The following NCOA7 variants were observed in gnomAD, a reference collection of about 807,000 sequenced individuals.
NCOA7 encodes the protein nuclear receptor coactivator 7.
NCOA7 carries 45 observed loss-of-function variants against 104.3 expected under a neutral mutation model. The ratio of observed to expected loss-of-function variants is 0.43; its 90% CI spans 0.34 to 0.55. The LOEUF (loss-of-function observed/expected upper bound fraction) is 0.55, where lower values mean the gene tolerates loss of function less well. Among genes scored for constraint, NCOA7 ranks in the 20% least tolerant of loss-of-function variants. The pLI is 0.02. For missense variants in NCOA7, 1,041 were observed against 1,119.7 expected (o/e 0.93, Z 1.00); for synonymous variants, 398 against 402.3 (o/e 0.99, Z 0.13).
At chr6:125,891,251 G>A (rs1158736319) in intron 10 of NCOA7, among the ~76,000 whole-genome samples, 1 of 152,176 alleles carries the variant, frequency 6.6e-6, no homozygotes, top group Admixed American at 6.5e-5. Context: ...AGCATCTGTA[G>A]CTCAGCAGCA....
chr6:125,868,483 G>A (rs1341077326), intron 3 of NCOA7, among the ~76,000 whole-genome samples: 1 of 152,200 alleles, frequency 6.6e-6, no homozygotes, highest in Non-Finnish European at 1.5e-5. Context: ...CAAAGATTTA[G>A]CTAACTTGAT....
intron 3 of NCOA7, among the ~76,000 whole-genome samples, chr6:125,867,529 A>G (rs1334408839): frequency 6.6e-6 from 1 of 152,226 alleles, no homozygotes; most frequent in African/African-American, 2.4e-5. Context: ...AGTGCATTCA[A>G]GCACAGAGAT....
chr6:125,810,570 TTAAA>T (rs1270316065), intron 1 of NCOA7, among the ~76,000 whole-genome samples: 6 of 152,210 alleles, frequency 3.9e-5, no homozygotes, highest in Admixed American at 3.9e-4. Context: ...AAAGTCAACA[TTAAA>T]TGAATGAAGG....
In NCOA7 at chr6:125,877,997, C is replaced by T. The variant is rs377210604; in HGVS notation, c.352-266C>T. 5.8e-4 allele frequency among the ~76,000 whole-genome samples: 89 copies of T among 152,200 alleles called. No individual in the cohort carries two copies. The South Asian group carries it at 1.0e-2, about 17-fold the overall frequency. On this transcript the variant is annotated intron_variant, in intron 4 of 15. Transcript: ENST00000392477. Reference sequence around the variant, plus strand: ...ACAGCTCACGGACCTTTACTTCATGCGCCTCAGTTGCACCAAAGTAAAATT... The same window carrying T: ...ACAGCTCACGGACCTTTACTTCATGTGCCTCAGTTGCACCAAAGTAAAATT...
At chr6:125,787,500 T>C (rs1011680005), upstream of NCOA7, among the ~76,000 whole-genome samples, 2 of 152,212 alleles carry the variant, frequency 1.3e-5, no homozygotes, top group African/African-American at 4.8e-5. Flanking sequence ...CGGAGTGAAG[T>C]GATCCCTCTC....
chr6:125,897,897 T>C (rs1785174998), intron 10 of NCOA7, among the ~76,000 whole-genome samples: 2 of 152,232 alleles, frequency 1.3e-5, no homozygotes, highest in African/African-American at 4.8e-5. Context: ...CAGGCTGGTC[T>C]CATACTTCTG....
chr6:125,865,998 T>C (rs1369914993), intron 3 of NCOA7, among the ~76,000 whole-genome samples: 2 of 136,842 alleles, frequency 1.5e-5, no homozygotes, highest in African/African-American at 6.1e-5. Context: ...AAGAAGACAT[T>C]CTTTAGGCAG....
At chr6:125,898,383 T>G (rs1428382210) in intron 10 of NCOA7, among the ~76,000 whole-genome samples, 1 of 152,192 alleles carries the variant, frequency 6.6e-6, no homozygotes, top group Non-Finnish European at 1.5e-5. Flanking sequence ...CAAGGAGAAT[T>G]TCTACTCTTA....
At chr6:125,901,671 C>T (rs753636974) in intron 10 of NCOA7, among the ~76,000 whole-genome samples, 3 of 152,194 alleles carry the variant, frequency 2.0e-5, no homozygotes, top group Non-Finnish European at 4.4e-5. Context: ...TAGCATTTGC[C>T]ATCCATGGAT....
At chr6:125,848,418 A>G (rs756960397) in intron 2 of NCOA7, among the ~76,000 whole-genome samples, 2 of 152,220 alleles carry the variant, frequency 1.3e-5, no homozygotes, top group African/African-American at 2.4e-5. Context: ...CATCAATGAT[A>G]GACTGGATTA....
chr6:125,783,664 G>A (rs1231854336), intron 1 of NCOA7, among the ~76,000 whole-genome samples: 1 of 152,180 alleles, frequency 6.6e-6, no homozygotes, highest in Non-Finnish European at 1.5e-5. Context: ...CTTTTGGAAT[G>A]TCCCTATACA....
At position 125,915,369 on chromosome 6, in the gene NCOA7, T is replaced by C; in HGVS notation, c.2133T>C (p.Ser711=). 1 of 1,613,912 alleles carries C rather than the reference T, an allele frequency of 6.2e-7. No homozygotes were observed. Among genetic ancestry groups the C allele is most frequent in the African/African-American group, 1.3e-5 (1 of 75,028 alleles). The change falls in exon 11 of 16, where the codon TCT becomes TCC. Residue 711 remains serine, a synonymous_variant. Coordinates refer to ENST00000392477, the MANE Select transcript of NCOA7 (RefSeq NM_181782.5). ...DHLYTFFVQW[S]PDVYGKDAKE... is the part of the protein sequence containing the mutation. ...TGTACACATTCTTTGTTCAGTGGTC[T>C]CCCGATGTCTATGGAAAAGATGCCA...
chr6:125,855,770 G>C lies in NCOA7; in HGVS notation c.271+530G>C, dbSNP rs543869245. ...ATGATCTCGGCTCACTGCAACCTCT[G>C]CCTCCCAGGTTCAAGCAATTCTCCT... On this transcript the variant is annotated intron_variant, in intron 3 of 15. Transcript: ENST00000392477. 2.3e-3 allele frequency among the ~76,000 whole-genome samples: 347 copies of C among 151,734 alleles called. 1 individual carries two copies. Among genetic ancestry groups the C allele is most frequent in the Admixed American group, 4.1e-3 (63 of 15,254 alleles).
chr6:125,792,292 C>T (rs933649184), intron 1 of NCOA7, among the ~76,000 whole-genome samples: 1 of 152,194 alleles, frequency 6.6e-6, no homozygotes, highest in African/African-American at 2.4e-5. Context: ...ATTCTGACAT[C>T]TTTAGGACCA....
chr6:125,890,473 G>T (rs764622391), intron 9 of NCOA7, among the ~76,000 whole-genome samples, 169 bp from the exon 10 acceptor site: 1 of 152,046 alleles, frequency 6.6e-6, no homozygotes, highest in Admixed American at 6.6e-5. Flanking sequence ...CTTTTTCCTT[G>T]TGTGCTAAAG....
At chr6:125,868,213 TTC>T (rs1315503508) in intron 3 of NCOA7, among the ~76,000 whole-genome samples, 1 of 152,252 alleles carries the variant, frequency 6.6e-6, no homozygotes, top group Non-Finnish European at 1.5e-5. Flanking sequence ...CAGATTCTTT[TTC>T]TCTGTTAAAC....
chr6:125,856,837 G>A (rs1211091432), intron 3 of NCOA7, among the ~76,000 whole-genome samples: 1 of 152,154 alleles, frequency 6.6e-6, no homozygotes, highest in African/African-American at 2.4e-5. Flanking sequence ...GTTCTGGGGT[G>A]TCCTAAACTT....
At chr6:125,858,188 C>T (rs755260819) in intron 3 of NCOA7, among the ~76,000 whole-genome samples, 7 of 151,442 alleles carry the variant, frequency 4.6e-5, no homozygotes, top group Non-Finnish European at 7.4e-5. Context: ...GTGTCTTCAG[C>T]TTGACGTGTG....
At chr6:125,879,640 C>T (rs1407380587) in intron 5 of NCOA7, among the ~76,000 whole-genome samples, 4 of 152,058 alleles carry the variant, frequency 2.6e-5, no homozygotes, top group African/African-American at 4.8e-5. Context: ...CAATATTGAT[C>T]AGTAATCAGT....
Sources: gnomAD v4.1 joint callset for allele counts (sites outside exome capture counted in the v4.1 genomes callset) on GRCh38, gnomAD v4.1.1 for gene constraint, MANE v1.5 for transcripts, NCBI Gene and HGNC (gene_info 2026-07-23, HGNC 2026-07-21) for gene names.